TIAM1: variants seen among roughly 807,000 people sequenced by gnomAD.
TIAM1 encodes TIAM Rac1 associated GEF 1.
In TIAM1, 65 loss-of-function variants were observed where a neutral mutation model predicts 163.5. The ratio of observed to expected loss-of-function variants is 0.40; its 90% confidence interval spans 0.33 to 0.49. The LOEUF (loss-of-function observed/expected upper bound fraction) is 0.49. Among genes scored for constraint, TIAM1 ranks in the 20% least tolerant of loss-of-function variants. TIAM1 has a pLI of 0.77. For synonymous variants in TIAM1, 833 were observed against 810.1 expected (o/e 1.03, Z -0.48); for missense variants, 1,789 against 2,044.7 (o/e 0.87, Z 2.41).
intron 2 of TIAM1, among the ~76,000 whole-genome samples, chr21:31,300,849 G>A (rs1310445181): frequency 1.3e-5 from 2 of 152,204 alleles, no homozygotes; most frequent in Non-Finnish European, 2.9e-5. Context: ...TAGAGATACG[G>A]TAAAATGCTA....
In TIAM1 at chr21:31,395,499, C is replaced by A. The variant is rs529102418; in HGVS notation, c.-368-56077G>T. ...GGAGACCGAGGTCATCTAAACACAG[C>A]CAATCACCAGATACGCCACAGAGGC... On this transcript the variant is annotated intron_variant, in intron 2 of 28. Coordinates refer to the TIAM1 transcript ENST00000286827. This position sits in a 1 kb window ranked among gnomAD's most constrained non-coding sequence, Gnocchi z 7.5. 4.6e-5 allele frequency among the ~76,000 whole-genome samples: 7 copies of A among 152,244 alleles called. No homozygotes were observed. Among genetic ancestry groups the A allele is most frequent in the African/African-American group, 1.7e-4 (7 of 41,534 alleles).
intron 10 of TIAM1, among the ~76,000 whole-genome samples, chr21:31,212,209 C>T (rs983180052): frequency 3.3e-5 from 5 of 152,114 alleles, no homozygotes; most frequent in African/African-American, 1.2e-4. Flanking sequence ...CTTCCCATGG[C>T]CACTCTTCTC....
intron 2 of TIAM1, among the ~76,000 whole-genome samples, chr21:31,461,037 G>A (rs1457288976): frequency 2.6e-5 from 4 of 152,054 alleles, no homozygotes; most frequent in South Asian, 2.1e-4. Flanking sequence ...ACAAGTCTAC[G>A]TATTTTGAAA....
chr21:31,252,766 G>C (rs2071884393), intron 4 of TIAM1, among the ~76,000 whole-genome samples: 1 of 152,236 alleles, frequency 6.6e-6, no homozygotes, highest in African/African-American at 2.4e-5. Flanking sequence ...ACGGCTCCGT[G>C]TTCCAGGAGC....
At position 31,463,750 on chromosome 21, in the gene TIAM1, G is replaced by A. The variant is rs562212424; in HGVS notation, c.-369+233C>T. On this transcript the variant is annotated intron_variant, in intron 2 of 28. Transcript: ENST00000286827. ...GGGGAATGGCTTAAACCCAGGAGGC[G>A]GAGGTTGCAGTGAGCCAAGATAGCG... 8.6e-5 allele frequency among the ~76,000 whole-genome samples: 13 copies of A among 151,700 alleles called. No homozygotes were observed. The East Asian group carries it at 1.9e-3, about 23-fold the overall frequency.
At chr21:31,307,972 C>T (rs555288991) in intron 2 of TIAM1, among the ~76,000 whole-genome samples, 2 of 152,174 alleles carry the variant, frequency 1.3e-5, no homozygotes, top group Admixed American at 6.5e-5. Context: ...GCAGCTCACA[C>T]CTGTAATCCT....
At chr21:31,490,020 C>T (rs894353249) in intron 1 of TIAM1, among the ~76,000 whole-genome samples, 3 of 152,220 alleles carry the variant, frequency 2.0e-5, no homozygotes, top group Admixed American at 6.5e-5. Context: ...CTAGCGTTCA[C>T]TGAAAAGTGT....
chr21:31,226,845 C>T (rs1395675398), intron 6 of TIAM1, among the ~76,000 whole-genome samples: 1 of 151,868 alleles, frequency 6.6e-6, no homozygotes, highest in African/African-American at 2.4e-5. Flanking sequence ...AAAGGAGCTA[C>T]TAACATTATT....
chr21:31,340,795 A>C (rs2075992084), intron 1 of TIAM1, among the ~76,000 whole-genome samples: 1 of 150,828 alleles, frequency 6.6e-6, no homozygotes, highest in African/African-American at 2.4e-5. Flanking sequence ...AAAGGCAGGC[A>C]AAAAAAAAGG....
chr21:31,518,357 G>A (rs999070985), intron 1 of TIAM1, among the ~76,000 whole-genome samples: 2 of 151,914 alleles, frequency 1.3e-5, no homozygotes, highest in East Asian at 1.9e-4. Flanking sequence ...GCATGATCTC[G>A]ACTCACCACA....
At chr21:31,542,760 G>T (rs1389427299) in intron 1 of TIAM1, among the ~76,000 whole-genome samples, 1 of 151,986 alleles carries the variant, frequency 6.6e-6, no homozygotes, top group African/African-American at 2.4e-5. Context: ...TGAGGTCAGG[G>T]GTTCAAGACC....
At chr21:31,255,868 C>G (rs997991973) in intron 4 of TIAM1, among the ~76,000 whole-genome samples, 15 of 152,168 alleles carry the variant, frequency 9.9e-5, no homozygotes, top group African/African-American at 3.6e-4. Context: ...ATTCACAGGG[C>G]CGAGAGGCTC....
At chr21:31,472,455 G>A (rs948789696) in intron 1 of TIAM1, among the ~76,000 whole-genome samples, 5 of 151,970 alleles carry the variant, frequency 3.3e-5, no homozygotes, top group Non-Finnish European at 7.4e-5. Flanking sequence ...TAAACACAGG[G>A]GGCAGAGGTT....
intron 1 of TIAM1, among the ~76,000 whole-genome samples, chr21:31,478,983 T>C (rs2046021858): frequency 6.6e-6 from 1 of 152,214 alleles, no homozygotes. Context: ...CTATCTGCTA[T>C]GCACTAGGAA....
chr21:31,514,941 A>T (rs1372606545), intron 1 of TIAM1, among the ~76,000 whole-genome samples: 1 of 152,222 alleles, frequency 6.6e-6, no homozygotes, highest in African/African-American at 2.4e-5. Context: ...AGATAGAGTC[A>T]CTTTATTTCT....
intron 1 of TIAM1, among the ~76,000 whole-genome samples, chr21:31,550,927 A>G (rs537364216): frequency 2.6e-5 from 4 of 152,304 alleles, no homozygotes; most frequent in African/African-American, 9.6e-5. Context: ...CAAGAACCAT[A>G]AGGCCAGGCG....
At chr21:31,478,073 G>A (rs1277561192) in intron 1 of TIAM1, among the ~76,000 whole-genome samples, 1 of 152,198 alleles carries the variant, frequency 6.6e-6, no homozygotes, top group East Asian at 1.9e-4. Flanking sequence ...AAATTATGAG[G>A]TGAAGGGAGA....
chr21:31,130,243 C>T lies in TIAM1; in HGVS notation c.4015G>A (p.Ala1339Thr). Residue 1339 changes from alanine to threonine, a missense_variant, in exon 25 of 28, where the codon GCG becomes ACG. Ala to Thr is a moderately conservative substitution (Grantham distance 58). Coordinates refer to ENST00000541036, the MANE Select transcript of TIAM1 (RefSeq NM_001353694.2). ...FRFRHMIPTE[A>T]LQVRALASAD... ...CTCGCCAAAGCTCGAACCTGCAGCG[C>T]TTCCGTGGGGATCATGTGTCGAAAT... The T allele has an allele frequency of 6.2e-7, 1 of 1,614,148 alleles. No individual in the cohort carries two copies. Among genetic ancestry groups the T allele is most frequent in the Non-Finnish European group, 8.5e-7 (1 of 1,180,022 alleles).
At chr21:31,363,902 AG>A (rs762816681) in intron 2 of TIAM1, among the ~76,000 whole-genome samples, 1 of 152,066 alleles carries the variant, frequency 6.6e-6, no homozygotes, top group Non-Finnish European at 1.5e-5. Context: ...AAAAAGGGGG[AG>A]GGGGTTCTTC....
Sources: gnomAD v4.1 joint callset for allele counts (sites outside exome capture counted in the v4.1 genomes callset) on GRCh38, gnomAD v4.1.1 for gene constraint, Gnocchi (gnomAD v3.1) non-coding constraint, MANE v1.5 for transcripts, NCBI Gene and HGNC (gene_info 2026-07-23, HGNC 2026-07-21) for gene names.